Variants in COL4A3 observed in about 807,000 individuals in gnomAD.
The protein encoded by COL4A3 is collagen alpha-3(IV) chain.
In COL4A3, 135 loss-of-function variants were observed where a neutral mutation model predicts 217.4. That is an observed-to-expected ratio of 0.62 (90% confidence interval 0.54 to 0.72). The LOEUF (loss-of-function observed/expected upper bound fraction) is 0.72, where lower values mean the gene tolerates loss of function less well. Ranked by LOEUF, COL4A3 falls within the 30% of genes least tolerant of loss-of-function variation. COL4A3 has a pLI of 0.00. For synonymous variants in COL4A3, 690 were observed against 736.3 expected, an observed-to-expected ratio of 0.94 and a Z score of 1.02; for missense variants, 1,868 against 2,119.9, an observed-to-expected ratio of 0.88 and a Z score of 2.33.
At chr2:227,267,190 G>T in intron 23 of COL4A3, 102 bp downstream of exon 23, 1 of 832,844 alleles carries the variant, frequency 1.2e-6, no homozygotes, top group Non-Finnish European at 2.0e-6. Flanking sequence ...ACGTGGTTTA[G>T]ATGAACTTGG....
intron 38 of COL4A3, chr2:227,293,979 A>G (rs748130190): frequency 3.9e-5 from 13 of 331,262 alleles, no homozygotes; most frequent in Non-Finnish European, 7.7e-5. Flanking sequence ...CGAAGTACTG[A>G]AGGTTAGGAC....
chr2:227,237,045 C>A (rs2068742385), intron 1 of COL4A3, among the ~76,000 whole-genome samples: 1 of 152,070 alleles, frequency 6.6e-6, no homozygotes, highest in African/African-American at 2.4e-5. Flanking sequence ...ATTTGATGTC[C>A]ATTGGAGCTG....
chr2:227,294,247 G>A (rs141975459), intron 38 of COL4A3: 23 of 486,620 alleles, frequency 4.7e-5, no homozygotes, highest in East Asian at 1.5e-4. Flanking sequence ...AAATAAAATC[G>A]CATATTGAGT....
intron 20 of COL4A3, among the ~76,000 whole-genome samples, chr2:227,262,776 C>CT (rs1447062464): frequency 6.6e-6 from 1 of 152,000 alleles, no homozygotes; most frequent in Non-Finnish European, 1.5e-5. Context: ...TTTATCGGCT[C>CT]TAAGAGTTTT....
intron 27 of COL4A3, among the ~76,000 whole-genome samples, chr2:227,277,067 C>T (rs904575079): frequency 2.6e-5 from 4 of 152,094 alleles, no homozygotes; most frequent in Non-Finnish European, 1.5e-5. Flanking sequence ...CGCCTGTAAT[C>T]CCAGCACTTT....
chr2:227,207,142 G>A lies in COL4A3; in HGVS notation c.88-30826G>A, dbSNP rs573011514. ...ACCCTCCAAGCCAGAGCCCAGAAAA[G>A]GCAACCCTATCCCTTTCCACTCGTC... On this transcript the variant is annotated intron_variant, in intron 1 of 51. Coordinates refer to ENST00000396578, the MANE Select transcript of COL4A3 (RefSeq NM_000091.5). Among the ~76,000 whole-genome samples, 21 of 152,162 alleles carry A rather than the reference G, an allele frequency of 1.4e-4. No individual in the cohort carries two copies. The South Asian group carries it at 2.5e-3, about 18-fold the overall frequency.
rs200125890 is a variant in COL4A3 at position 227,293,208 on chromosome 2, G to A, written c.3228G>A (p.Pro1076=). 61 of 1,613,836 alleles carry A rather than the reference G, an allele frequency of 3.8e-5. No individual in the cohort carries two copies. The highest frequency in any genetic ancestry group is 2.0e-4 in the African/African-American group (15 of 74,902). ...PPGPTGDPGL[P]GDMGKKGEMG... Reference sequence around the variant, plus strand: ...CATTTAAGGGGGATCCAGGACTGCCGGGTGATATGGGAAAGAAAGGAGAAA... The same window carrying A: ...CATTTAAGGGGGATCCAGGACTGCCAGGTGATATGGGAAAGAAAGGAGAAA... The change falls in exon 38 of 52, where the codon CCG becomes CCA. Residue 1076 remains proline (P), a synonymous_variant. Transcript: ENST00000396578.
chr2:227,188,425 A>G lies in COL4A3; in HGVS notation c.87+23612A>G, dbSNP rs566513197. Among the ~76,000 whole-genome samples, 138 of 152,062 alleles carry G rather than the reference A, an allele frequency of 9.1e-4. 2 individuals carry two copies. The South Asian group carries it at 0.014, about 15-fold the overall frequency. Reference sequence around the variant, plus strand: ...GCGAGCCATTGTGAGTCATTGGCTTAACACAAAATACTTTTACATAACCCA... The same window carrying G: ...GCGAGCCATTGTGAGTCATTGGCTTGACACAAAATACTTTTACATAACCCA... On this transcript the variant is annotated intron_variant, in intron 1 of 51. Transcript: ENST00000396578.
intron 1 of COL4A3, among the ~76,000 whole-genome samples, chr2:227,192,839 A>G (rs62277821): frequency 0.45 from 68,552 of 152,046 alleles, 15,960 homozygotes; most frequent in African/African-American, 0.58. Context: ...AGTGAAGAAA[A>G]TTTTGTTTTG....
Position 227,312,119 on chromosome 2 carries a change from A to G in COL4A3, c.*249A>G. ...AGCAACTATTCACAAAATATCACCA[A>G]AAACCTATTCCACTTACATCCAAGG... On this transcript the variant is annotated 3_prime_UTR_variant, in exon 52 of 52. Coordinates refer to ENST00000396578, the MANE Select transcript of COL4A3 (RefSeq NM_000091.5). 1 of 528,666 alleles carries G rather than the reference A, an allele frequency of 1.9e-6. No individual in the cohort carries two copies. Among genetic ancestry groups the G allele is most frequent in the Non-Finnish European group, 3.3e-6 (1 of 300,314 alleles). 32.7% of individuals were successfully genotyped at this position (528,666 alleles called of 1,614,324 possible).
intron 26 of COL4A3, among the ~76,000 whole-genome samples, chr2:227,274,125 T>C (rs1364523169): frequency 6.6e-6 from 1 of 152,066 alleles, no homozygotes; most frequent in African/African-American, 2.4e-5. Flanking sequence ...CAGTCCCAGC[T>C]ACTTGGAAGG....
At chr2:227,302,706 A>AAAAAAAAAAAAAAAAAAAC (rs2073346361) in intron 43 of COL4A3, among the ~76,000 whole-genome samples, 1 of 140,834 alleles carries the variant, frequency 7.1e-6, no homozygotes, top group Admixed American at 7.3e-5. Flanking sequence ...AAAAAAAAAA[A>AAAAAAAAAAAAAAAAAAAC]TCATTCTGGC....
chr2:227,245,092 C>A, intron 5 of COL4A3, 97 bp downstream of exon 5: 2 of 1,168,980 alleles, frequency 1.7e-6, no homozygotes, highest in Non-Finnish European at 2.6e-6. Flanking sequence ...TGTTCTGATG[C>A]ATTTGTTACA....
intron 1 of COL4A3, among the ~76,000 whole-genome samples, chr2:227,182,566 A>C (rs2065894930): frequency 6.6e-6 from 1 of 152,226 alleles, no homozygotes; most frequent in Admixed American, 6.5e-5. Context: ...ATCTGGCTTA[A>C]ACCATGCATC....
intron 1 of COL4A3, among the ~76,000 whole-genome samples, chr2:227,219,803 T>C (rs2067688451): frequency 6.6e-6 from 1 of 152,216 alleles, no homozygotes; most frequent in African/African-American, 2.4e-5. Context: ...CTATGACTTA[T>C]GTTATCTGTC....
chr2:227,216,754 A>G (rs1370164243), intron 1 of COL4A3, among the ~76,000 whole-genome samples: 1 of 152,176 alleles, frequency 6.6e-6, no homozygotes, highest in Non-Finnish European at 1.5e-5. Flanking sequence ...AGAATCCCTT[A>G]GGGCCCAAAA....
chr2:227,297,501 T>C (rs2073079595), intron 41 of COL4A3, among the ~76,000 whole-genome samples, 173 bp from the exon 42 acceptor site: 2 of 152,218 alleles, frequency 1.3e-5, no homozygotes, highest in Non-Finnish European at 2.9e-5. Context: ...AACTCAGTTT[T>C]TGTAGCTCTA....
chr2:227,280,667 T>C (rs1411747995), intron 30 of COL4A3, 77 bp downstream of exon 30: 4 of 1,504,832 alleles, frequency 2.7e-6, no homozygotes, highest in Non-Finnish European at 3.7e-6. Flanking sequence ...GAAGGTGTTC[T>C]AGGCATGAAG....
At chr2:227,193,469 T>C (rs2066320511) in intron 1 of COL4A3, among the ~76,000 whole-genome samples, 1 of 152,188 alleles carries the variant, frequency 6.6e-6, no homozygotes, top group Non-Finnish European at 1.5e-5. Context: ...ATCCTAGCAC[T>C]TGGGGAGGCC....
Sources: allele counts gnomAD v4.1 joint callset (sites outside exome capture counted in the v4.1 genomes callset), GRCh38; gene constraint gnomAD v4.1.1; transcripts MANE v1.5; gene names NCBI Gene and HGNC (gene_info 2026-07-23, HGNC 2026-07-21).